Variants in NSMCE2 observed in about 807,000 individuals in gnomAD.
NSMCE2 encodes the protein E3 SUMO-protein ligase NSE2.
In NSMCE2, 24 loss-of-function variants were observed where a neutral mutation model predicts 23.8. The observed-to-expected ratio is 1.01, with a 90% CI of 0.73 to 1.42. The LOEUF (loss-of-function observed/expected upper bound fraction) is 1.42. Ranked by LOEUF, NSMCE2 falls within the 40% of genes most tolerant of loss-of-function variation. The probability of loss-of-function intolerance (pLI) is 0.00; values close to 1 mark genes in which losing one functional copy is unlikely to be tolerated. For synonymous variants in NSMCE2, 92 were observed against 94.1 expected (o/e 0.98, Z 0.13); for missense variants, 284 against 296.5 (o/e 0.96, Z 0.31).
chr8:125,306,521 T>A (rs1828773395), intron 5 of NSMCE2, among the ~76,000 whole-genome samples: 1 of 152,164 alleles, frequency 6.6e-6, no homozygotes, highest in Non-Finnish European at 1.5e-5. Flanking sequence ...TGTAACAGTA[T>A]TTGAGTCAAA....
chr8:125,266,097 T>G (rs1056712963), intron 5 of NSMCE2, among the ~76,000 whole-genome samples: 15 of 150,392 alleles, frequency 1.0e-4, no homozygotes, highest in Admixed American at 2.0e-4. Context: ...TTTTTCTTTT[T>G]TTTTTTTTTT....
intron 5 of NSMCE2, among the ~76,000 whole-genome samples, chr8:125,313,143 G>A (rs1273315751): frequency 7.6e-6 from 1 of 132,340 alleles, no homozygotes; most frequent in Non-Finnish European, 1.6e-5. Flanking sequence ...GAAGGAGAAA[G>A]AAAGAAGGAA....
intron 5 of NSMCE2, among the ~76,000 whole-genome samples, chr8:125,334,692 G>A (rs151146433): frequency 2.2e-4 from 33 of 151,696 alleles, no homozygotes; most frequent in African/African-American, 7.0e-4. Flanking sequence ...GGCGGTTAGA[G>A]CTCAGAGGAT....
intron 5 of NSMCE2, among the ~76,000 whole-genome samples, chr8:125,286,995 A>G (rs1827931276): frequency 6.6e-6 from 1 of 152,158 alleles, no homozygotes; most frequent in African/African-American, 2.4e-5. Context: ...CCTCCTCTGT[A>G]GGGTGGTTTT....
chr8:125,231,123 A>T (rs1424900126), intron 5 of NSMCE2, among the ~76,000 whole-genome samples: 2 of 152,208 alleles, frequency 1.3e-5, no homozygotes, highest in Non-Finnish European at 2.9e-5. Context: ...AATACTTAGG[A>T]CTGTTAACTG....
At chr8:125,146,284 A>G (rs1191103007) in intron 3 of NSMCE2, among the ~76,000 whole-genome samples, 1 of 152,194 alleles carries the variant, frequency 6.6e-6, no homozygotes. Context: ...AAGTGTACAG[A>G]CTTGGCAGTT....
intron 5 of NSMCE2, among the ~76,000 whole-genome samples, chr8:125,306,911 A>T (rs1828787392): frequency 6.6e-6 from 1 of 152,242 alleles, no homozygotes; most frequent in Non-Finnish European, 1.5e-5. Flanking sequence ...TTATGTGAGG[A>T]ATAATAAGTT....
intron 5 of NSMCE2, among the ~76,000 whole-genome samples, chr8:125,231,552 T>C (rs560686517): frequency 6.6e-6 from 1 of 152,322 alleles, no homozygotes; most frequent in South Asian, 2.1e-4. Flanking sequence ...ATTCCTACCA[T>C]AGCACTTTTG....
At chr8:125,153,481 A>T (rs1342473633) in intron 4 of NSMCE2, among the ~76,000 whole-genome samples, 1 of 152,212 alleles carries the variant, frequency 6.6e-6, no homozygotes, top group African/African-American at 2.4e-5. Flanking sequence ...GAAATGTTTT[A>T]CATCACTTTA....
chr8:125,337,459 A>G (rs534358864), intron 5 of NSMCE2, among the ~76,000 whole-genome samples: 2 of 152,364 alleles, frequency 1.3e-5, no homozygotes, highest in South Asian at 2.1e-4. Flanking sequence ...CAATTTACTT[A>G]ATATTGGTCA....
intron 5 of NSMCE2, among the ~76,000 whole-genome samples, chr8:125,355,061 A>T (rs1403806921): frequency 1.3e-5 from 2 of 152,330 alleles, no homozygotes; most frequent in African/African-American, 4.8e-5. Context: ...ATCCCCCAAG[A>T]TATTTCATCA....
intron 2 of NSMCE2, 28 bp from the exon 3 acceptor site, chr8:125,102,289 T>C: frequency 6.6e-7 from 1 of 1,515,552 alleles, no homozygotes; most frequent in African/African-American, 1.4e-5. Flanking sequence ...GACTTACGAA[T>C]CTTGTTTCAT....
chr8:125,163,892 C>G (rs1821747056), intron 4 of NSMCE2, among the ~76,000 whole-genome samples: 1 of 152,174 alleles, frequency 6.6e-6, no homozygotes, highest in South Asian at 2.1e-4. Flanking sequence ...AGAGGTTTAA[C>G]CATAAATAGT....
intron 4 of NSMCE2, among the ~76,000 whole-genome samples, chr8:125,179,828 G>A (rs1822710917): frequency 6.6e-6 from 1 of 152,156 alleles, no homozygotes; most frequent in South Asian, 2.1e-4. Context: ...TGGTTGTAGT[G>A]GAACTGTGGG....
chr8:125,343,308 G>T (rs1043214240), intron 5 of NSMCE2, among the ~76,000 whole-genome samples: 4 of 152,136 alleles, frequency 2.6e-5, no homozygotes, highest in African/African-American at 9.7e-5. Flanking sequence ...ATCTTCAGAG[G>T]TTCTTTACCT....
chr8:125,122,513 G>T (rs1819319330), intron 3 of NSMCE2, among the ~76,000 whole-genome samples: 1 of 152,158 alleles, frequency 6.6e-6, no homozygotes, highest in South Asian at 2.1e-4. Flanking sequence ...ATCAACATAT[G>T]CTCTTTAAGC....
At chr8:125,185,135 G>A (rs1432987830) in intron 5 of NSMCE2, among the ~76,000 whole-genome samples, 1 of 152,068 alleles carries the variant, frequency 6.6e-6, no homozygotes, top group African/African-American at 2.4e-5. Flanking sequence ...TCTTTTAGGT[G>A]GGGAGAGGCC....
intron 3 of NSMCE2, among the ~76,000 whole-genome samples, chr8:125,116,202 T>G (rs1310293113): frequency 6.6e-6 from 1 of 152,218 alleles, no homozygotes; most frequent in Non-Finnish European, 1.5e-5. Context: ...AATTCTATTT[T>G]ACAAATGACA....
At chr8:125,292,065 C>G (rs1485873384) in intron 5 of NSMCE2, among the ~76,000 whole-genome samples, 3 of 152,042 alleles carry the variant, frequency 2.0e-5, no homozygotes, top group Non-Finnish European at 4.4e-5. Context: ...CTTCCACTCT[C>G]ATTTCATTAG....
Sources: gnomAD v4.1 joint callset for allele counts (sites outside exome capture counted in the v4.1 genomes callset) on GRCh38, gnomAD v4.1.1 for gene constraint, MANE v1.5 for transcripts, NCBI Gene and HGNC (gene_info 2026-07-23, HGNC 2026-07-21) for gene names.